The following MICAL2 variants were observed in gnomAD, a reference collection of about 807,000 sequenced individuals.
MICAL2 encodes microtubule associated monooxygenase, calponin and LIM domain containing 2, also known as [F-actin]-monooxygenase MICAL2.
In MICAL2, 77 loss-of-function variants were observed where a neutral mutation model predicts 127.3. That is an observed-to-expected ratio of 0.60 (90% CI 0.50 to 0.73). The LOEUF is 0.73. Among genes scored for constraint, MICAL2 ranks in the 30% least tolerant of loss-of-function variants. The pLI is 0.00. For synonymous variants in MICAL2, 570 were observed against 551.1 expected (o/e 1.03, Z -0.48); for missense variants, 1,351 against 1,434.4 (o/e 0.94, Z 0.94).
In MICAL2 at chr11:12,224,660, C is replaced by G. The variant is rs368792327; in HGVS notation, c.1541-13C>G. On this transcript the variant is annotated splice_polypyrimidine_tract_variant and intron_variant, in intron 12 of 27. Transcript: ENST00000683283. The stretch of plus-strand genomic sequence containing the variant: ...CCTGCAGAGCCTCACTGCCTGCGCT[C>G]TCCTTCTTGCAGAGTCAGATATCCG... 566 of 1,611,828 alleles carry G rather than the reference C, an allele frequency of 3.5e-4. 3 individuals carry two copies. Among genetic ancestry groups the G allele is most frequent in the South Asian group, 1.7e-3 (155 of 91,036 alleles).
At chr11:12,205,689 A>C (rs2134137310) in intron 4 of MICAL2, among the ~76,000 whole-genome samples, 1 of 152,332 alleles carries the variant, frequency 6.6e-6, no homozygotes, top group African/African-American at 2.4e-5. Context: ...TCTCCTGTAA[A>C]GTGTGATTAA....
chr11:12,141,869 A>T (rs1476191914), intron 2 of MICAL2, among the ~76,000 whole-genome samples: 2 of 152,240 alleles, frequency 1.3e-5, no homozygotes, highest in Non-Finnish European at 2.9e-5. Context: ...CCTCAGATGG[A>T]CAACCAATAT....
At chr11:12,265,061 T>C (rs184157360), downstream of MICAL2, among the ~76,000 whole-genome samples, 10 of 152,352 alleles carry the variant, frequency 6.6e-5, 1 homozygote, top group East Asian at 1.9e-3. Context: ...CACTTTATTG[T>C]CAAAGCGTGA....
At chr11:12,332,566 A>G (rs928999814) in intron 32 of MICAL2, among the ~76,000 whole-genome samples, 1 of 151,774 alleles carries the variant, frequency 6.6e-6, no homozygotes, top group Non-Finnish European at 1.5e-5. Context: ...AAAAGTCAGT[A>G]CATCAGAGCA....
At chr11:12,125,657 T>TGTAA (rs1850860953) in intron 1 of MICAL2, among the ~76,000 whole-genome samples, 1 of 152,214 alleles carries the variant, frequency 6.6e-6, no homozygotes, top group Non-Finnish European at 1.5e-5. Flanking sequence ...TAGTCTGCTA[T>TGTAA]CAGTTAATGT....
chr11:12,129,111 C>T (rs7926383), intron 1 of MICAL2, among the ~76,000 whole-genome samples: 1 of 148,678 alleles, frequency 6.7e-6, no homozygotes, highest in Non-Finnish European at 1.5e-5. Context: ...CTCCCCTTTA[C>T]AAGACCATGA....
In MICAL2 at chr11:12,261,040, C is replaced by T. The variant is rs1443030419; in HGVS notation, c.3334+1143C>T. On this transcript the variant is annotated intron_variant, in intron 26 of 27. Transcript: ENST00000683283. ...TGTGGCTCCCAGCGGATCCCCCAGC[C>T]CGGGCTGCAGGCTGAGCCAAGGCTG... is the stretch of plus-strand genomic sequence containing the variant. The T allele has an allele frequency of 5.1e-6, 5 of 985,456 alleles. No individual in the cohort carries two copies. The East Asian group carries it at 5.7e-4, about 112-fold the overall frequency. 61.0% of individuals were successfully genotyped at this position (985,456 alleles called of 1,614,324 possible).
chr11:12,260,147 G>A (rs1458121484), intron 26 of MICAL2: 12 of 1,527,838 alleles, frequency 7.9e-6, no homozygotes, highest in Non-Finnish European at 1.1e-5. Context: ...TGGGTGCTCA[G>A]GTGCTTCCCA....
At chr11:12,235,026 G>A (rs533926962) in intron 15 of MICAL2, among the ~76,000 whole-genome samples, 10 of 152,266 alleles carry the variant, frequency 6.6e-5, no homozygotes, top group East Asian at 3.9e-4. Context: ...CTGCAGAAGC[G>A]ATCTATGGTC....
At chr11:12,204,616 C>T (rs1182993280) in intron 4 of MICAL2, among the ~76,000 whole-genome samples, 159 bp downstream of exon 4, 1 of 152,210 alleles carries the variant, frequency 6.6e-6, no homozygotes, top group Non-Finnish European at 1.5e-5. Context: ...TGCTTTGTGC[C>T]TTGTTCTGGG....
intron 2 of MICAL2, among the ~76,000 whole-genome samples, chr11:12,143,223 G>A (rs1477222548): frequency 6.6e-6 from 1 of 152,214 alleles, no homozygotes; most frequent in Non-Finnish European, 1.5e-5. Context: ...AAGGAAACTG[G>A]GTGGAGGTGT....
intron 29 of MICAL2, among the ~76,000 whole-genome samples, chr11:12,302,637 A>G (rs1422106329): frequency 1.4e-5 from 2 of 148,118 alleles, no homozygotes; most frequent in African/African-American, 2.5e-5. Flanking sequence ...TCCCTTTTTC[A>G]CTCTCTAATG....
At chr11:12,303,351 A>T (rs1247849613) in intron 29 of MICAL2, among the ~76,000 whole-genome samples, 1 of 152,246 alleles carries the variant, frequency 6.6e-6, no homozygotes, top group Non-Finnish European at 1.5e-5. Context: ...CCACTGTTTC[A>T]TACTTGAGAT....
chr11:12,311,137 T>C (rs1246849673), intron 29 of MICAL2, among the ~76,000 whole-genome samples: 1 of 152,128 alleles, frequency 6.6e-6, no homozygotes, highest in African/African-American at 2.4e-5. Flanking sequence ...AAATAAGCAT[T>C]ATTTGACTCC....
chr11:12,158,480 A>G (rs1854428433), intron 2 of MICAL2, among the ~76,000 whole-genome samples: 1 of 147,572 alleles, frequency 6.8e-6, no homozygotes, highest in African/African-American at 2.5e-5. Flanking sequence ...GATACAACCA[A>G]CTGTGGATTG....
chr11:12,195,479 A>G (rs1279672202), intron 3 of MICAL2, among the ~76,000 whole-genome samples: 1 of 152,188 alleles, frequency 6.6e-6, no homozygotes, highest in African/African-American at 2.4e-5. Flanking sequence ...CTAGGTGGGG[A>G]GTATTTGGAT....
At chr11:12,330,455 C>T (rs767807941) in intron 32 of MICAL2, among the ~76,000 whole-genome samples, 5 of 152,110 alleles carry the variant, frequency 3.3e-5, no homozygotes, top group East Asian at 1.9e-4. Context: ...GAGTAGTCTG[C>T]GACAGTTATG....
chr11:12,188,556 A>G (rs1345119539), intron 3 of MICAL2, among the ~76,000 whole-genome samples: 1 of 152,202 alleles, frequency 6.6e-6, no homozygotes, highest in Non-Finnish European at 1.5e-5. Flanking sequence ...TCCCAAATGT[A>G]GTAGTGCTGA....
intron 1 of MICAL2, among the ~76,000 whole-genome samples, chr11:12,125,098 C>T (rs1355454950): frequency 6.6e-6 from 1 of 152,234 alleles, no homozygotes; most frequent in Non-Finnish European, 1.5e-5. Context: ...CTGATCTCAG[C>T]CCCACCCGCC....
Sources: allele counts gnomAD v4.1 joint callset (sites outside exome capture counted in the v4.1 genomes callset), GRCh38; gene constraint gnomAD v4.1.1; transcripts MANE v1.5; gene names NCBI Gene and HGNC (gene_info 2026-07-23, HGNC 2026-07-21).